The following NWD2 variants were observed in gnomAD, a reference collection of about 807,000 sequenced individuals.
NWD2 encodes the protein NACHT and WD repeat domain containing 2, also known as NACHT and WD repeat domain-containing protein 2.
NWD2 carries 37 observed loss-of-function variants against 132.7 expected under a neutral mutation model. The ratio of observed to expected loss-of-function variants is 0.28; its 90% CI spans 0.21 to 0.37. The LOEUF is 0.37. Ranked by LOEUF, NWD2 falls within the 10% of genes least tolerant of loss-of-function variation. The probability of loss-of-function intolerance (pLI) is 1.00; values close to 1 mark genes in which losing one functional copy is unlikely to be tolerated. For missense variants in NWD2, 1,592 were observed against 2,122.4 expected (o/e 0.75, Z 4.91); for synonymous variants, 705 against 803.0 (o/e 0.88, Z 2.06).
intron 3 of NWD2, among the ~76,000 whole-genome samples, chr4:37,391,906 A>G (rs1424767480): frequency 6.6e-6 from 1 of 152,190 alleles, no homozygotes; most frequent in East Asian, 1.9e-4. Flanking sequence ...ATGTTCGTTT[A>G]ATAAATTAAA....
At chr4:37,345,950 G>A (rs187431184) in intron 2 of NWD2, among the ~76,000 whole-genome samples, 3 of 151,910 alleles carry the variant, frequency 2.0e-5, no homozygotes, top group South Asian at 2.1e-4. Flanking sequence ...GCATGGTGGC[G>A]GGCACCTGTA....
intron 1 of NWD2, among the ~76,000 whole-genome samples, chr4:37,300,463 C>G (rs1718591651): frequency 6.6e-6 from 1 of 152,000 alleles, no homozygotes; most frequent in Non-Finnish European, 1.5e-5. Flanking sequence ...TTTAAATAGA[C>G]TTTAACATGA....
chr4:37,284,617 G>T (rs1718190501), intron 1 of NWD2, among the ~76,000 whole-genome samples: 1 of 152,198 alleles, frequency 6.6e-6, no homozygotes, highest in Non-Finnish European at 1.5e-5. Flanking sequence ...ATTTGCAGGA[G>T]ACTTCCTTTT....
intron 1 of NWD2, among the ~76,000 whole-genome samples, chr4:37,261,993 G>A (rs1043032253): frequency 5.9e-5 from 9 of 152,198 alleles, no homozygotes; most frequent in South Asian, 2.1e-4. Context: ...GGAAGAGCAA[G>A]GTCATTGTAC....
At chr4:37,320,283 A>T (rs951132051) in intron 1 of NWD2, among the ~76,000 whole-genome samples, 3 of 152,222 alleles carry the variant, frequency 2.0e-5, no homozygotes. Context: ...TAGAGGATAC[A>T]TGGTGATCAG....
At chr4:37,417,157 A>G (rs1711644522) in intron 3 of NWD2, among the ~76,000 whole-genome samples, 1 of 152,178 alleles carries the variant, frequency 6.6e-6, no homozygotes, top group Non-Finnish European at 1.5e-5. Flanking sequence ...ATTTTTTTAA[A>G]AAAGAAAATT....
intron 2 of NWD2, among the ~76,000 whole-genome samples, chr4:37,354,345 G>A (rs914101775): frequency 6.6e-6 from 1 of 152,212 alleles, no homozygotes; most frequent in Non-Finnish European, 1.5e-5. Flanking sequence ...TGAGGAGGCA[G>A]TCTGTCCCTT....
rs1200230572 is a variant in NWD2, at chr4:37,259,940, G to A, written c.151+14722G>A. On this transcript the variant is annotated intron_variant, in intron 1 of 6. Transcript: ENST00000309447. ...AGTTTTAAATTCCCATGCCTTTCTG[G>A]CAGGAGCAATGAGAAATCGAATACT... 3.9e-5 allele frequency among the ~76,000 whole-genome samples: 6 copies of A among 152,316 alleles called. No homozygotes were observed. In the East Asian group the frequency reaches 1.2e-3, roughly 29 times the overall value.
Position 37,348,657 on chromosome 4 carries a change from T to C in NWD2, c.241-7709T>C, listed in dbSNP as rs1330127511. On this transcript the variant is annotated intron_variant, in intron 2 of 6. Transcript: ENST00000309447. ...TAATTCATATATATATATATATATA[T>C]ATATATATATATATATATACACACA... 1.3e-3 allele frequency among the ~76,000 whole-genome samples: 99 copies of C among 73,844 alleles called. 2 individuals carry two copies. The highest frequency in any genetic ancestry group is 4.4e-3 in the African/African-American group (92 of 21,036). The allele number at this position is 73,844 out of a possible 152,430, so 48.4% of individuals were successfully genotyped here. A position where few individuals can be genotyped will look rare whatever the true frequency, so the allele number is the denominator to read the frequency against.
intron 1 of NWD2, among the ~76,000 whole-genome samples, chr4:37,274,486 G>A (rs927941868): frequency 3.9e-5 from 6 of 152,034 alleles, no homozygotes; most frequent in African/African-American, 9.7e-5. Flanking sequence ...ATTGACAGCC[G>A]AATTCTACCA....
chr4:37,291,943 T>C (rs1718369906), intron 1 of NWD2, among the ~76,000 whole-genome samples: 1 of 152,186 alleles, frequency 6.6e-6, no homozygotes, highest in African/African-American at 2.4e-5. Context: ...ATATAAGAAA[T>C]ATTGTCTGAA....
rs1260063814 is a variant in NWD2, at chr4:37,283,505, C to T, written c.151+38287C>T. Among the ~76,000 whole-genome samples the T allele has an allele frequency of 2.6e-5, 4 of 152,236 alleles. No individual in the cohort carries two copies. In the East Asian group the frequency reaches 5.8e-4, roughly 22 times the overall value. On this transcript the variant is annotated intron_variant, in intron 1 of 6. Transcript: ENST00000309447. ...ATAAATTATAAATGTACACTTATTA[C>T]TACAGTTTATTAAAATTCTGAACCT...
intron 3 of NWD2, among the ~76,000 whole-genome samples, chr4:37,418,255 G>T (rs1458656421): frequency 1.3e-5 from 2 of 151,530 alleles, no homozygotes; most frequent in Non-Finnish European, 2.9e-5. Context: ...AGTAGTATTG[G>T]ATTATAACCC....
At chr4:37,393,109 C>T (rs1015410818) in intron 3 of NWD2, among the ~76,000 whole-genome samples, 4 of 152,076 alleles carry the variant, frequency 2.6e-5, no homozygotes, top group Admixed American at 2.6e-4. Context: ...TGAAAGGGAG[C>T]AGGCAGTGAG....
chr4:37,275,361 A>G (rs2018441418), intron 1 of NWD2, among the ~76,000 whole-genome samples: 1 of 152,114 alleles, frequency 6.6e-6, no homozygotes, highest in South Asian at 2.1e-4. Flanking sequence ...TAGGAATCCA[A>G]CTTACAAGGG....
At chr4:37,329,577 C>T (rs57721767) in intron 2 of NWD2, among the ~76,000 whole-genome samples, 31,748 of 151,562 alleles carry the variant, frequency 0.21, 3,500 homozygotes, top group East Asian at 0.37. Flanking sequence ...ATCACACTAC[C>T]ACACTCCAGT....
At chr4:37,279,591 A>G (rs1021173407) in intron 1 of NWD2, among the ~76,000 whole-genome samples, 2 of 152,194 alleles carry the variant, frequency 1.3e-5, no homozygotes, top group Admixed American at 6.5e-5. Context: ...TTTACTTTAT[A>G]TATCTTGTTA....
At chr4:37,356,132 A>G (rs1719867178) in intron 2 of NWD2, among the ~76,000 whole-genome samples, 1 of 152,116 alleles carries the variant, frequency 6.6e-6, no homozygotes, top group African/African-American at 2.4e-5. Flanking sequence ...TTAGCATTTC[A>G]TTTTCTCTGG....
chr4:37,410,300 TGGA>T (rs1421808327), intron 3 of NWD2, among the ~76,000 whole-genome samples: 1 of 151,780 alleles, frequency 6.6e-6, no homozygotes, highest in Non-Finnish European at 1.5e-5. Flanking sequence ...AATAAAGGGA[TGGA>T]GGAATATTTA....
Sources: allele counts gnomAD v4.1 joint callset (sites outside exome capture counted in the v4.1 genomes callset), GRCh38; gene constraint gnomAD v4.1.1; transcripts MANE v1.5; gene names NCBI Gene and HGNC (gene_info 2026-07-23, HGNC 2026-07-21).